Variants in SPON1 observed in about 807,000 individuals in gnomAD.
The protein encoded by SPON1 is spondin-1.
In SPON1, 52 loss-of-function variants were observed where a neutral mutation model predicts 111.7. The observed-to-expected ratio is 0.47, with a 90% confidence interval of 0.37 to 0.59. The LOEUF (loss-of-function observed/expected upper bound fraction) is 0.59. Among genes scored for constraint, SPON1 ranks in the 20% least tolerant of loss-of-function variants. The probability of loss-of-function intolerance (pLI) is 0.00; values close to 1 mark genes in which losing one functional copy is unlikely to be tolerated. For missense variants in SPON1, 957 were observed against 1,068.5 expected (o/e 0.90, Z 1.46); for synonymous variants, 410 against 395.8 (o/e 1.04, Z -0.43).
At chr11:14,235,291 C>A (rs552931024) in intron 6 of SPON1, among the ~76,000 whole-genome samples, 1 of 152,314 alleles carries the variant, frequency 6.6e-6, no homozygotes, top group South Asian at 2.1e-4. Context: ...GTTCCCAACA[C>A]AGATCTAAAC....
intron 6 of SPON1, among the ~76,000 whole-genome samples, chr11:14,166,457 A>G (rs574798904): frequency 4.6e-5 from 7 of 152,286 alleles, no homozygotes; most frequent in Non-Finnish European, 8.8e-5. Context: ...TGTTTAACAC[A>G]TTAGCTCTCC....
chr11:14,173,933 G>C (rs1183161083), intron 6 of SPON1, among the ~76,000 whole-genome samples: 1 of 152,246 alleles, frequency 6.6e-6, no homozygotes, highest in Non-Finnish European at 1.5e-5. Context: ...CTACTCGGGT[G>C]TCAGGGACCC....
intron 6 of SPON1, among the ~76,000 whole-genome samples, chr11:14,151,882 A>G (rs1160712042): frequency 3.9e-5 from 6 of 152,164 alleles, no homozygotes; most frequent in African/African-American, 1.4e-4. Flanking sequence ...GGAGCCAATA[A>G]GGTTTCCATC....
chr11:14,157,300 G>A (rs1352299913), intron 6 of SPON1, among the ~76,000 whole-genome samples: 1 of 151,984 alleles, frequency 6.6e-6, no homozygotes, highest in Non-Finnish European at 1.5e-5. Context: ...CTTTATTTTT[G>A]AAGAGTATTT....
intron 6 of SPON1, among the ~76,000 whole-genome samples, chr11:14,212,360 C>T (rs534954511): frequency 1.5e-4 from 23 of 152,016 alleles, no homozygotes; most frequent in East Asian, 9.7e-4. Context: ...TACCTCATTG[C>T]GTCATTTTTA....
chr11:14,150,530 A>G (rs1554929824), intron 6 of SPON1, among the ~76,000 whole-genome samples: 1 of 152,184 alleles, frequency 6.6e-6, no homozygotes, highest in Non-Finnish European at 1.5e-5. Context: ...ATTATTTTAC[A>G]TTGTGTACAT....
chr11:14,254,205 C>T (rs1445058326), intron 7 of SPON1, among the ~76,000 whole-genome samples: 1 of 152,152 alleles, frequency 6.6e-6, no homozygotes, highest in African/African-American at 2.4e-5. Flanking sequence ...CACTTGAGCC[C>T]AGAAGTTTGA....
chr11:14,090,344 G>C (rs1362239555), intron 5 of SPON1, among the ~76,000 whole-genome samples: 1 of 152,138 alleles, frequency 6.6e-6, no homozygotes, highest in Non-Finnish European at 1.5e-5. Flanking sequence ...TATGGGAAAA[G>C]CGTAGTATCT....
intron 6 of SPON1, among the ~76,000 whole-genome samples, chr11:14,164,207 G>A (rs1407526157): frequency 1.3e-5 from 2 of 152,196 alleles, no homozygotes; most frequent in Non-Finnish European, 2.9e-5. Context: ...TTTACTGGCT[G>A]TGCTGAAATG....
chr11:14,048,149 G>A (rs755085922), intron 3 of SPON1, among the ~76,000 whole-genome samples: 15 of 152,224 alleles, frequency 9.9e-5, no homozygotes, highest in Non-Finnish European at 1.9e-4. Context: ...TGAGGTAGGA[G>A]AATCGCTTGA....
intron 5 of SPON1, among the ~76,000 whole-genome samples, chr11:14,133,334 G>T (rs1331663943): frequency 7.2e-5 from 11 of 152,180 alleles, no homozygotes; most frequent in African/African-American, 2.7e-4. Context: ...CTGAAGTCAG[G>T]CTCCCTCAAG....
At chr11:14,248,725 C>T (rs1277607439) in intron 7 of SPON1, among the ~76,000 whole-genome samples, 1 of 152,158 alleles carries the variant, frequency 6.6e-6, no homozygotes, top group Non-Finnish European at 1.5e-5. Context: ...GGATTCCAGC[C>T]TCCCTCGCCG....
intron 6 of SPON1, among the ~76,000 whole-genome samples, chr11:14,153,299 T>C (rs7120327): frequency 0.39 from 59,687 of 151,986 alleles, 11,980 homozygotes; most frequent in East Asian, 0.55. Context: ...TGAGACTTGG[T>C]AACTTATAAA....
intron 6 of SPON1, among the ~76,000 whole-genome samples, chr11:14,223,152 G>A (rs1848699542): frequency 6.6e-6 from 1 of 152,152 alleles, no homozygotes. Context: ...ATCACTTGAG[G>A]TTAGGAGTTC....
chr11:14,059,237 G>A (rs1848770506), intron 3 of SPON1, among the ~76,000 whole-genome samples: 1 of 152,178 alleles, frequency 6.6e-6, no homozygotes, highest in Admixed American at 6.5e-5. Context: ...TAGTGGAGGA[G>A]GGAAACAAAG....
At chr11:13,990,941 G>A (rs1319372693) in intron 2 of SPON1, among the ~76,000 whole-genome samples, 1 of 152,218 alleles carries the variant, frequency 6.6e-6, no homozygotes, top group Non-Finnish European at 1.5e-5. Flanking sequence ...AGAGAGATCT[G>A]CTATTAGTCT....
At chr11:13,973,006 T>G (rs1554908783) in intron 1 of SPON1, among the ~76,000 whole-genome samples, 1 of 152,148 alleles carries the variant, frequency 6.6e-6, no homozygotes, top group Non-Finnish European at 1.5e-5. Flanking sequence ...GCTTCTACCT[T>G]CTCTGTCTTG....
At chr11:14,057,557 G>A (rs1169303560) in intron 3 of SPON1, among the ~76,000 whole-genome samples, 2 of 152,120 alleles carry the variant, frequency 1.3e-5, no homozygotes, top group African/African-American at 4.8e-5. Context: ...TTAAATGGGA[G>A]AATATCTTTG....
intron 6 of SPON1, among the ~76,000 whole-genome samples, chr11:14,188,296 A>G (rs1554934257): frequency 6.6e-6 from 1 of 152,154 alleles, no homozygotes; most frequent in East Asian, 1.9e-4. Flanking sequence ...AAACATGAGG[A>G]TAACATGATC....
Sources: allele counts gnomAD v4.1 joint callset (sites outside exome capture counted in the v4.1 genomes callset), GRCh38; gene constraint gnomAD v4.1.1; transcripts MANE v1.5; gene names NCBI Gene and HGNC (gene_info 2026-07-23, HGNC 2026-07-21).